SORCS3: variants seen among roughly 807,000 people sequenced by gnomAD.
The protein encoded by SORCS3 is VPS10 domain-containing receptor SorCS3.
Under a neutral mutation model 146.3 loss-of-function variants are expected in SORCS3, and 57 were observed. The observed-to-expected ratio is 0.39, with a 90% CI of 0.31 to 0.49. SORCS3 has a LOEUF of 0.49. Among genes scored for constraint, SORCS3 ranks in the 20% least tolerant of loss-of-function variants. The pLI is 0.92. For synonymous variants in SORCS3, 653 were observed against 618.5 expected (o/e 1.06, Z -0.83); for missense variants, 1,341 against 1,575.5 (o/e 0.85, Z 2.52).
chr10:104,695,321 TA>T (rs1307173631), intron 1 of SORCS3, among the ~76,000 whole-genome samples: 2 of 151,754 alleles, frequency 1.3e-5, no homozygotes, highest in Non-Finnish European at 2.9e-5. Flanking sequence ...CCTAAGGATG[TA>T]TTGGTGGTTT....
At chr10:104,671,745 T>A (rs988500706) in intron 1 of SORCS3, among the ~76,000 whole-genome samples, 11 of 152,128 alleles carry the variant, frequency 7.2e-5, no homozygotes, top group African/African-American at 2.2e-4. Flanking sequence ...CGTGTGTTTT[T>A]TTCCGTTTCA....
chr10:105,028,081 G>T (rs1307836980), intron 4 of SORCS3, among the ~76,000 whole-genome samples: 1 of 152,146 alleles, frequency 6.6e-6, no homozygotes, highest in Non-Finnish European at 1.5e-5. Context: ...TGGCTTTATA[G>T]ATCATAACTA....
intron 9 of SORCS3, 91 bp from the exon 10 acceptor site, chr10:105,157,047 G>T: frequency 6.9e-7 from 1 of 1,446,542 alleles, no homozygotes; most frequent in Non-Finnish European, 9.5e-7. Flanking sequence ...CCAACATGCC[G>T]TGGGAAATTC....
In SORCS3 at chr10:105,178,099, G is replaced by A. The variant is rs369104603; in HGVS notation, c.1935G>A (p.Lys645=). 6.2e-7 allele frequency: 1 copy of A among 1,613,550 alleles called. No homozygotes were observed. The highest frequency in any genetic ancestry group is 8.5e-7 in the Non-Finnish European group (1 of 1,179,768). Residue 645 remains lysine (K), a synonymous_variant, in exon 14 of 27, where the codon AAG becomes AAA. Transcript: ENST00000369701. The stretch of plus-strand genomic sequence containing the variant: ...TTGATGAGGGCCACTCTTGGGACAA[G>A]TATGGTTTCACTTCGGTTCCTCTCT... The part of the protein sequence containing the change: ...VSFDEGHSWD[K]YGFTSVPLFV...
intron 4 of SORCS3, among the ~76,000 whole-genome samples, chr10:104,992,786 CA>C (rs1463537799): frequency 6.6e-6 from 1 of 152,124 alleles, no homozygotes; most frequent in Non-Finnish European, 1.5e-5. Flanking sequence ...TCAAAGAAAA[CA>C]AAACTTTCTG....
chr10:104,745,434 C>T (rs2016896197), intron 1 of SORCS3, among the ~76,000 whole-genome samples: 1 of 152,162 alleles, frequency 6.6e-6, no homozygotes, highest in Non-Finnish European at 1.5e-5. Flanking sequence ...AAAAGCGGTA[C>T]ATATTTTAAG....
At chr10:104,697,988 GT>G (rs1402437628) in intron 1 of SORCS3, among the ~76,000 whole-genome samples, 3 of 152,106 alleles carry the variant, frequency 2.0e-5, no homozygotes, top group African/African-American at 7.2e-5. Flanking sequence ...GCCTGCACCT[GT>G]TGTGCTTTAT....
chr10:104,669,231 G>T (rs1221024303), intron 1 of SORCS3, among the ~76,000 whole-genome samples: 1 of 152,154 alleles, frequency 6.6e-6, no homozygotes, highest in Non-Finnish European at 1.5e-5. Context: ...TATTTTTATT[G>T]TGGCAAAATA....
intron 2 of SORCS3, among the ~76,000 whole-genome samples, chr10:104,855,720 T>C (rs1007863565): frequency 7.1e-6 from 1 of 140,350 alleles, no homozygotes; most frequent in Non-Finnish European, 1.5e-5. Context: ...CTTTTGAGTG[T>C]GTGTGTGTGT....
chr10:105,253,016 C>T, intron 23 of SORCS3, 110 bp downstream of exon 23: 2 of 1,311,892 alleles, frequency 1.5e-6, no homozygotes, highest in Non-Finnish European at 2.1e-6. Context: ...ATTACCCCAA[C>T]AGCCAAGGTT....
intron 8 of SORCS3, among the ~76,000 whole-genome samples, chr10:105,141,494 A>T (rs979492230): frequency 6.6e-6 from 1 of 152,156 alleles, no homozygotes; most frequent in Non-Finnish European, 1.5e-5. Flanking sequence ...AGTGCCGTGG[A>T]TGCTTTTAGG....
At chr10:105,071,366 G>A (rs903930185) in intron 5 of SORCS3, among the ~76,000 whole-genome samples, 4 of 152,206 alleles carry the variant, frequency 2.6e-5, no homozygotes, top group Admixed American at 2.0e-4. Flanking sequence ...CCTGGTATTG[G>A]TCCATCTTGA....
At chr10:104,694,033 T>G (rs1029261325) in intron 1 of SORCS3, among the ~76,000 whole-genome samples, 4 of 151,946 alleles carry the variant, frequency 2.6e-5, no homozygotes, top group African/African-American at 9.7e-5. Context: ...GGACACTTGA[T>G]AGCTGAAATC....
chr10:105,014,341 A>G (rs2055153200), intron 4 of SORCS3, among the ~76,000 whole-genome samples: 1 of 151,842 alleles, frequency 6.6e-6, no homozygotes, highest in South Asian at 2.1e-4. Flanking sequence ...TTTGGAAACT[A>G]TCTTTTATAC....
intron 4 of SORCS3, among the ~76,000 whole-genome samples, chr10:104,986,859 G>A (rs1234418258): frequency 1.3e-5 from 2 of 152,136 alleles, no homozygotes; most frequent in African/African-American, 4.8e-5. Context: ...AAAGAACACT[G>A]ATCACAGATC....
At chr10:104,742,901 C>T (rs191860696) in intron 1 of SORCS3, among the ~76,000 whole-genome samples, 13 of 152,214 alleles carry the variant, frequency 8.5e-5, no homozygotes, top group African/African-American at 3.1e-4. Flanking sequence ...ACCAGGAGCA[C>T]TTATTATTAT....
At chr10:104,701,720 C>T (rs2016281106) in intron 1 of SORCS3, among the ~76,000 whole-genome samples, 1 of 152,150 alleles carries the variant, frequency 6.6e-6, no homozygotes, top group South Asian at 2.1e-4. Flanking sequence ...AAGGGTGTAG[C>T]TGTCTGGTTC....
At chr10:104,669,617 T>C (rs967794195) in intron 1 of SORCS3, among the ~76,000 whole-genome samples, 3 of 152,374 alleles carry the variant, frequency 2.0e-5, no homozygotes, top group Non-Finnish European at 4.4e-5. Context: ...ATTTACCATG[T>C]TTTGTTTATC....
chr10:105,202,845 T>A (rs1226228131), intron 16 of SORCS3, among the ~76,000 whole-genome samples: 2 of 152,166 alleles, frequency 1.3e-5, no homozygotes, highest in Non-Finnish European at 2.9e-5. Context: ...TAAAGTTCAA[T>A]TTGATTATTT....
Sources: allele counts gnomAD v4.1 joint callset (sites outside exome capture counted in the v4.1 genomes callset), GRCh38; gene constraint gnomAD v4.1.1; transcripts MANE v1.5; gene names NCBI Gene and HGNC (gene_info 2026-07-23, HGNC 2026-07-21).